PIWIL2: variants seen among roughly 807,000 people sequenced by gnomAD.
The protein encoded by PIWIL2 is piwi-like protein 2.
Under a neutral mutation model 116.5 loss-of-function variants are expected in PIWIL2, and 81 were observed. The observed-to-expected ratio is 0.70, with a 90% CI of 0.58 to 0.84. The LOEUF is 0.84. PIWIL2 is among the 40% of genes least tolerant of loss of function. The pLI, the probability that PIWIL2 is intolerant of heterozygous loss-of-function variation, is 0.00. For missense variants in PIWIL2, 1,272 were observed against 1,212.3 expected, an observed-to-expected ratio of 1.05 and a Z score of -0.73; for synonymous variants, 489 against 429.5, an observed-to-expected ratio of 1.14 and a Z score of -1.71.
intron 10 of PIWIL2, among the ~76,000 whole-genome samples, chr8:22,299,275 A>G (rs1411434919): frequency 6.7e-6 from 1 of 149,496 alleles, no homozygotes; most frequent in Non-Finnish European, 1.5e-5. Context: ...CAATGGCGTG[A>G]TCTTGGCTCA....
chr8:22,324,013 G>A (rs1439516940), intron 20 of PIWIL2, among the ~76,000 whole-genome samples: 1 of 152,190 alleles, frequency 6.6e-6, no homozygotes, highest in Admixed American at 6.5e-5. Context: ...TATAATCCCA[G>A]CACTTTGGGA....
intron 10 of PIWIL2, among the ~76,000 whole-genome samples, chr8:22,295,964 G>T (rs4872465): frequency 0.11 from 16,244 of 150,686 alleles, 1,046 homozygotes; most frequent in South Asian, 0.22. Flanking sequence ...CTTCAGTTCG[G>T]CTGGTTGCTC....
At chr8:22,347,975 G>C (rs911346462) in intron 20 of PIWIL2, among the ~76,000 whole-genome samples, 1 of 151,556 alleles carries the variant, frequency 6.6e-6, no homozygotes, top group African/African-American at 2.4e-5. Context: ...TTTTTAATTT[G>C]AGTTCCATGA....
In PIWIL2 at chr8:22,288,613, C is replaced by T; in HGVS notation, c.933C>T (p.Ile311=). The change falls in exon 8 of 23, where the codon ATC becomes ATT. Residue 311 remains isoleucine, a synonymous_variant. Transcript: ENST00000356766. ...EISIKIQMTK[I]LEPCSDLCIP... ...GCATTAAGATTCAGATGACAAAGAT[C>T]CTGGAGCCCTGCTCTGACCTGTGCA... is the stretch of plus-strand genomic sequence containing the variant. 1 of 1,613,516 alleles carries T rather than the reference C, an allele frequency of 6.2e-7. No homozygotes were observed. The highest frequency in any genetic ancestry group is 1.1e-5 in the South Asian group (1 of 91,058).
intron 19 of PIWIL2, among the ~76,000 whole-genome samples, chr8:22,317,645 A>C (rs1831492935): frequency 1.3e-5 from 2 of 151,204 alleles, no homozygotes; most frequent in African/African-American, 4.9e-5. Context: ...ACTTTTTTTA[A>C]ATTTTTTATT....
intron 8 of PIWIL2, among the ~76,000 whole-genome samples, chr8:22,289,509 T>C (rs1330252198): frequency 6.6e-6 from 1 of 152,224 alleles, no homozygotes; most frequent in Non-Finnish European, 1.5e-5. Flanking sequence ...TAGCTCCCTT[T>C]GCCACACTGT....
chr8:22,333,633 G>T (rs1281170988), intron 20 of PIWIL2, among the ~76,000 whole-genome samples: 1 of 151,866 alleles, frequency 6.6e-6, no homozygotes, highest in East Asian at 1.9e-4. Flanking sequence ...CAAAAAAAAT[G>T]TTTCTGAACA....
At chr8:22,343,730 G>C (rs929846705) in intron 20 of PIWIL2, among the ~76,000 whole-genome samples, 22 of 152,172 alleles carry the variant, frequency 1.4e-4, no homozygotes, top group African/African-American at 5.3e-4. Context: ...TCAAAAACTG[G>C]TAATGCCAAA....
intron 20 of PIWIL2, among the ~76,000 whole-genome samples, chr8:22,332,339 G>A (rs1415618818): frequency 6.6e-6 from 1 of 151,890 alleles, no homozygotes; most frequent in Non-Finnish European, 1.5e-5. Context: ...TAATCAAACT[G>A]TAACAGGCCA....
intron 1 of PIWIL2, 185 bp downstream of exon 1, chr8:22,275,583 C>T (rs1830344281): frequency 6.6e-6 from 1 of 152,324 alleles, no homozygotes; most frequent in African/African-American, 2.4e-5. Context: ...GGCCCGGCGC[C>T]GCGGCCCCAA....
chr8:22,313,693 G>C (rs189655693), intron 16 of PIWIL2, among the ~76,000 whole-genome samples: 75 of 152,328 alleles, frequency 4.9e-4, no homozygotes, highest in Admixed American at 4.3e-3. Context: ...TCACTTGAGT[G>C]CTGCTTTTCT....
chr8:22,306,166 T>C, intron 13 of PIWIL2, 150 bp downstream of exon 13: 1 of 626,212 alleles, frequency 1.6e-6, no homozygotes, highest in Non-Finnish European at 2.9e-6. Flanking sequence ...TCCAGTTTTC[T>C]CCTCTGTAAA....
At position 22,287,534 on chromosome 8, in the gene PIWIL2, T is replaced by G. The variant is rs180791960; in HGVS notation, c.750T>G (p.Asn250Lys). Residue 250 changes from asparagine (N) to lysine (K), a missense_variant, in exon 7 of 23, where the codon AAT becomes AAG. Coordinates refer to ENST00000356766, the MANE Select transcript of PIWIL2 (RefSeq NM_018068.5). Reference protein sequence around the residue: ...VYQYHVTFSPNVECKSMRFGM... With the variant: ...VYQYHVTFSPKVECKSMRFGM... ...CCTCTTCATTATTTTCCAGCCCCAATGTGGAGTGCAAAAGCATGAGGTTCG... is the reference window on the plus strand; with the variant it reads ...CCTCTTCATTATTTTCCAGCCCCAAGGTGGAGTGCAAAAGCATGAGGTTCG... The G allele has an allele frequency of 1.1e-4, 184 of 1,606,380 alleles. 1 individual carries two copies. In the East Asian group the frequency reaches 3.7e-3, roughly 32 times the overall value.
intron 20 of PIWIL2, among the ~76,000 whole-genome samples, chr8:22,325,873 G>A (rs567632287): frequency 6.6e-6 from 1 of 152,286 alleles, no homozygotes; most frequent in Admixed American, 6.5e-5. Context: ...GTCTGCTCAT[G>A]TCAGGCACTG....
chr8:22,316,663 G>A (rs867714491), intron 19 of PIWIL2, among the ~76,000 whole-genome samples: 1 of 151,964 alleles, frequency 6.6e-6, no homozygotes, highest in African/African-American at 2.4e-5. Context: ...TGTATTTTTA[G>A]TAGAGACAGC....
chr8:22,275,832 C>T (rs1391019120), intron 1 of PIWIL2: 1 of 152,324 alleles, frequency 6.6e-6, no homozygotes, highest in Non-Finnish European at 1.5e-5. Context: ...AGGCCCAGCC[C>T]GTCCTGGGTT....
At chr8:22,315,302 ATGTT>A (rs1205217011) in intron 18 of PIWIL2, among the ~76,000 whole-genome samples, 157 bp downstream of exon 18, 9 of 151,962 alleles carry the variant, frequency 5.9e-5, no homozygotes, top group African/African-American at 1.9e-4. Context: ...AATGGGTTTT[ATGTT>A]TGTTTGTTTT....
intron 20 of PIWIL2, among the ~76,000 whole-genome samples, chr8:22,331,267 A>G (rs902629948): frequency 3.9e-5 from 6 of 152,088 alleles, no homozygotes; most frequent in African/African-American, 1.2e-4. Context: ...TAGCCAAGGT[A>G]GGAGGATAGC....
chr8:22,308,139 T>A (rs1831234315), intron 14 of PIWIL2, 66 bp downstream of exon 14: 1 of 1,302,280 alleles, frequency 7.7e-7, no homozygotes, highest in Admixed American at 2.0e-5. Context: ...TTATGTGACT[T>A]TCCTTTTGTT....
Sources: allele counts gnomAD v4.1 joint callset (sites outside exome capture counted in the v4.1 genomes callset), GRCh38; gene constraint gnomAD v4.1.1; transcripts MANE v1.5; gene names NCBI Gene and HGNC (gene_info 2026-07-23, HGNC 2026-07-21).